MUC12: variants seen among roughly 807,000 people sequenced by gnomAD.
The protein encoded by MUC12 is mucin-12.
MUC12 carries 172 observed loss-of-function variants against 230.8 expected under a neutral mutation model. The ratio of observed to expected loss-of-function variants is 0.75; its 90% CI spans 0.66 to 0.85. The LOEUF (loss-of-function observed/expected upper bound fraction) is 0.85, where lower values mean the gene tolerates loss of function less well. MUC12 is among the 40% of genes least tolerant of loss of function. The probability of loss-of-function intolerance (pLI) is 0.00; values close to 1 mark genes in which losing one functional copy is unlikely to be tolerated. For missense variants in MUC12, 3,506 were observed against 5,920.6 expected (o/e 0.59, Z 13.38); for synonymous variants, 1,259 against 2,401.9 (o/e 0.52, Z 13.91).
rs1050580059 is a variant in MUC12, at chr7:101,015,638, A to G, written c.15824A>G (p.Glu5275Gly). 2 of 1,537,470 alleles carry G rather than the reference A, an allele frequency of 1.3e-6. No homozygotes were observed. Among genetic ancestry groups the G allele is most frequent in the South Asian group, 1.2e-5 (1 of 84,062 alleles). Residue 5275 changes from glutamate (E) to glycine (G), a missense_variant, in exon 10 of 12, where the codon GAG (glutamate) becomes GGG (glycine). Glu to Gly is a moderately conservative substitution (Grantham distance 98). Transcript: ENST00000536621. ...RHREQYDVPQ[E>G]WRKEGTPGIF... is the part of the protein sequence containing the mutation. ...AGGGAACAGTATGATGTGCCTCAAG[A>G]GTGGCGAAAGGAAGGCACCCCTGGC...
At position 100,970,541 on chromosome 7, in the gene MUC12, GA is replaced by G. The variant is rs373817847; in HGVS notation, c.67+860del. ...AGAAATAAAGAAAGAAGGAAGGAAA[GA>G]AAAAAAAGAAAGGAAGAAAGAAAGA... On this transcript the variant is annotated intron_variant, in intron 1 of 11. Transcript: ENST00000536621. 5.6e-5 allele frequency among the ~76,000 whole-genome samples: 8 copies of G among 142,348 alleles called. No individual in the cohort carries two copies. In the East Asian group the frequency reaches 6.1e-4, roughly 11 times the overall value. The allele number at this position is 142,348 out of a possible 152,430, so 93.4% of individuals were successfully genotyped here.
In MUC12 at chr7:101,004,761, G is replaced by T. The variant is rs781610305; in HGVS notation, c.14198G>T (p.Gly4733Val). 36 of 1,537,058 alleles carry T rather than the reference G, an allele frequency of 2.3e-5. No individual in the cohort carries two copies. The highest frequency in any genetic ancestry group is 5.9e-5 in the Admixed American group (3 of 50,948). The change falls in exon 2 of 12, where the codon GGC becomes GTC. Residue 4733 changes from glycine to valine, a missense_variant. By Grantham distance (109) the Gly-to-Val change is moderately radical. Coordinates refer to ENST00000536621, the MANE Select transcript of MUC12 (RefSeq NM_001164462.2). ...TTLASTATTP[G>V]LSAKSTILYS... ...TTAGCCAGCACTGCCACAACACCAG[G>T]CCTCAGTGCAAAATCTACCATCCTT...
intron 9 of MUC12, chr7:101,015,295 G>C: frequency 5.9e-6 from 2 of 337,726 alleles, no homozygotes; most frequent in Non-Finnish European, 1.1e-5. Context: ...ATGCACCTGT[G>C]AAGGTTGCTG....
Position 101,004,655 on chromosome 7 carries a change from T to G in MUC12, c.14092T>G (p.Leu4698Val), listed in dbSNP as rs1793701674. The G allele has an allele frequency of 1.3e-6, 2 of 1,537,402 alleles. No homozygotes were observed. The highest frequency in any genetic ancestry group is 1.7e-6 in the Non-Finnish European group (2 of 1,146,628). The change falls in exon 2 of 12, where the codon TTA (leucine) becomes GTA (valine). Residue 4698 changes from leucine (L) to valine (V), a missense_variant. By Grantham distance (32) the Leu-to-Val change is conservative. Transcript: ENST00000536621. ...SSPDTNGITP[L>V]PAHFTTSGRI... ...CCCAGATACAAATGGAATCACACCCTTACCTGCCCATTTTACTACCTCAGG... is the reference window on the plus strand; with the variant it reads ...CCCAGATACAAATGGAATCACACCCGTACCTGCCCATTTTACTACCTCAGG...
rs759919053 is a variant in MUC12 at position 101,004,426 on chromosome 7, C to G, written c.13863C>G (p.Ser4621=). Residue 4621 remains serine (S), a synonymous_variant, in exon 2 of 12, where the codon TCC becomes TCG. Transcript: ENST00000536621. ...AAACAATGCACTTCCCTGAAAGCTCCACAGCTTCAGGTCGTAGTGAAGAAT... is the reference window on the plus strand; with the variant it reads ...AAACAATGCACTTCCCTGAAAGCTCGACAGCTTCAGGTCGTAGTGAAGAAT... ...STQTMHFPES[S]TASGRSEESR... 2 of 1,515,788 alleles carry G rather than the reference C, an allele frequency of 1.3e-6. No individual in the cohort carries two copies. Among genetic ancestry groups the G allele is most frequent in the African/African-American group, 1.5e-5 (1 of 66,382 alleles). 93.9% of individuals were successfully genotyped at this position (1,515,788 alleles called of 1,614,324 possible). A position where few individuals can be genotyped will look rare whatever the true frequency, so the allele number is the denominator to read the frequency against.
chr7:100,970,825 A>G (rs1036829783), intron 1 of MUC12, among the ~76,000 whole-genome samples: 8 of 151,988 alleles, frequency 5.3e-5, no homozygotes, highest in East Asian at 3.9e-4. Flanking sequence ...GTGAAACCCC[A>G]TCTCTACTAA....
chr7:101,012,557 C>CAGG, intron 6 of MUC12, 110 bp downstream of exon 6: 1 of 1,288,384 alleles, frequency 7.8e-7, no homozygotes, highest in South Asian at 1.5e-5. Flanking sequence ...ACTTCTGCCA[C>CAGG]AGGAACCCAG....
intron 1 of MUC12, among the ~76,000 whole-genome samples, chr7:100,988,384 C>A (rs984081424): frequency 1.3e-5 from 2 of 152,030 alleles, no homozygotes; most frequent in African/African-American, 4.8e-5. Context: ...ATGTGACCAG[C>A]CTGCTCTCCC....
chr7:101,011,792 G>A (rs1163630491), intron 5 of MUC12, among the ~76,000 whole-genome samples: 1 of 152,078 alleles, frequency 6.6e-6, no homozygotes, highest in Non-Finnish European at 1.5e-5. Flanking sequence ...TTTGTCTGTT[G>A]ATGGACCCTT....
intron 3 of MUC12, among the ~76,000 whole-genome samples, 189 bp from the exon 4 acceptor site, chr7:101,008,445 G>A (rs1423136267): frequency 6.6e-6 from 1 of 152,118 alleles, no homozygotes; most frequent in Non-Finnish European, 1.5e-5. Flanking sequence ...AAGGGCTTCT[G>A]TACTTAGTTC....
At position 100,991,756 on chromosome 7, in the gene MUC12, C is replaced by G. The variant is rs1429362205; in HGVS notation, c.1193C>G (p.Ser398Cys). 1.3e-6 allele frequency: 2 copies of G among 1,537,880 alleles called. No individual in the cohort carries two copies. Among genetic ancestry groups the G allele is most frequent in the African/African-American group, 2.7e-5 (2 of 73,060 alleles). The change falls in exon 2 of 12, where the codon TCT becomes TGT. Residue 398 changes from serine (S) to cysteine (C), a missense_variant. By Grantham distance (112) the Ser-to-Cys change is moderately radical. Transcript: ENST00000536621. The stretch of plus-strand genomic sequence containing the variant: ...CACGGCAGCACAACACACACAAAAT[C>G]TTCAACTCCTAGCACCACAGCTGCC... Reference protein sequence around the residue: ...TFHGSTTHTKSSTPSTTAALA... With the variant: ...TFHGSTTHTKCSTPSTTAALA...
Position 101,004,736 on chromosome 7 carries a change from T to G in MUC12, c.14173T>G (p.Leu4725Val), listed in dbSNP as rs1163273972. 7 of 1,536,682 alleles carry G rather than the reference T, an allele frequency of 4.6e-6. 1 individual carries two copies. In the South Asian group the frequency reaches 8.3e-5, roughly 18 times the overall value. Residue 4725 changes from leucine (L) to valine (V), a missense_variant, in exon 2 of 12, where the codon TTA (leucine) becomes GTA (valine). By Grantham distance (32) the Leu-to-Val change is conservative (BLOSUM62 1). Transcript: ENST00000536621. ...YISPGSMETTLASTATTPGLS... is the reference protein window; with the variant it reads ...YISPGSMETTVASTATTPGLS... ...CTCTCCAGGCTCAATGGAAACAACA[T>G]TAGCCAGCACTGCCACAACACCAGG...
chr7:100,983,429 A>G (rs996520942), intron 1 of MUC12, among the ~76,000 whole-genome samples: 2 of 152,084 alleles, frequency 1.3e-5, no homozygotes, highest in African/African-American at 2.4e-5. Context: ...AAAAAAAAAA[A>G]AAAAGAAATA....
chr7:101,009,471 C>A (rs1341236755), intron 5 of MUC12, among the ~76,000 whole-genome samples: 1 of 152,144 alleles, frequency 6.6e-6, no homozygotes, highest in Admixed American at 6.5e-5. Flanking sequence ...CAGTAAGGGG[C>A]ACACAGGGTG....
At chr7:101,016,098 T>C (rs943341339) in intron 10 of MUC12, among the ~76,000 whole-genome samples, 42 of 151,926 alleles carry the variant, frequency 2.8e-4, no homozygotes, top group African/African-American at 1.0e-3. Flanking sequence ...TTCAACACAG[T>C]GGGAGCCCAG....
chr7:100,987,821 A>C (rs1334173999), intron 1 of MUC12, among the ~76,000 whole-genome samples: 1 of 152,102 alleles, frequency 6.6e-6, no homozygotes, highest in Admixed American at 6.5e-5. Context: ...AAAATACAAA[A>C]TTAGCCAGGC....
chr7:100,971,089 G>A (rs1792874203), intron 1 of MUC12, among the ~76,000 whole-genome samples: 3 of 152,094 alleles, frequency 2.0e-5, no homozygotes, highest in Admixed American at 2.0e-4. Flanking sequence ...CCTGGAGGCA[G>A]AGGTTGCAGT....
At position 100,995,429 on chromosome 7, in the gene MUC12, T is replaced by C; in HGVS notation, c.4866T>C (p.Ser1622=). Residue 1622 remains serine (S), a synonymous_variant, in exon 2 of 12, where the codon AGT becomes AGC. Transcript: ENST00000536621. ...CAGACACAACATTGTCCCCTGGCAG[T>C]ACCACAGCATCATCCCTTGGTCCAG... The part of the protein sequence containing the change: ...GSTDTTLSPG[S]TTASSLGPES... 2 of 1,533,782 alleles carry C rather than the reference T, an allele frequency of 1.3e-6. No individual in the cohort carries two copies. Among genetic ancestry groups the C allele is most frequent in the East Asian group, 2.4e-5 (1 of 40,896 alleles).
intron 1 of MUC12, among the ~76,000 whole-genome samples, chr7:100,982,440 CT>C (rs569502189): frequency 1.1e-3 from 160 of 144,936 alleles, no homozygotes; most frequent in Middle Eastern, 7.4e-3. Context: ...CTTTTCTTTT[CT>C]TTTTTTTTTT....
Sources: allele counts gnomAD v4.1 joint callset (sites outside exome capture counted in the v4.1 genomes callset), GRCh38; gene constraint gnomAD v4.1.1; transcripts MANE v1.5; gene names NCBI Gene and HGNC (gene_info 2026-07-23, HGNC 2026-07-21).